The following NWD1 variants were observed in gnomAD, a reference collection of about 807,000 sequenced individuals.
NWD1 encodes NACHT and WD repeat domain containing 1, also known as NACHT domain- and WD repeat-containing protein 1.
A neutral mutation model predicts 135.1 loss-of-function variants in NWD1; 129 were observed. The observed-to-expected ratio is 0.96, with a 90% CI of 0.83 to 1.11. The LOEUF is 1.11. NWD1 is among the 50% of genes least tolerant of loss of function. NWD1 has a pLI of 0.00. For synonymous variants in NWD1, 773 were observed against 786.0 expected (o/e 0.98, Z 0.28); for missense variants, 1,740 against 1,851.3 (o/e 0.94, Z 1.10).
At chr19:16,779,526 C>A in intron 12 of NWD1, 61 bp downstream of exon 12, 1 of 1,525,468 alleles carries the variant, frequency 6.6e-7, no homozygotes, top group Non-Finnish European at 9.0e-7. Context: ...GTTCTCAGAG[C>A]CCCTTCCCCA....
At position 16,763,882 on chromosome 19, in the gene NWD1, A is replaced by G. The variant is rs1969113726; in HGVS notation, c.2188A>G (p.Lys730Glu). 1 of 1,613,918 alleles carries G rather than the reference A, an allele frequency of 6.2e-7. No homozygotes were observed. The highest frequency in any genetic ancestry group is 1.3e-5 in the African/African-American group (1 of 74,920). Residue 730 changes from lysine to glutamate, a missense_variant, in exon 9 of 19, where the codon AAG (lysine) becomes GAG (glutamate). By Grantham distance (56) the Lys-to-Glu change is moderately conservative. Transcript: ENST00000524140. ...TACGGTTGCAAACCTGCGGAAGCTGAAGGAGTTGCCCTATCACCTGCTTCA... is the reference window on the plus strand; with the variant it reads ...TACGGTTGCAAACCTGCGGAAGCTGGAGGAGTTGCCCTATCACCTGCTTCA... ...SHTVANLRKL[K>E]ELPYHLLHSG...
At chr19:16,728,502 G>C (rs1967417513) in intron 2 of NWD1, among the ~76,000 whole-genome samples, 1 of 151,808 alleles carries the variant, frequency 6.6e-6, no homozygotes, top group African/African-American at 2.4e-5. Flanking sequence ...CCAGGCTGGT[G>C]TCAAACTCCT....
intron 5 of NWD1, chr19:16,745,280 C>G (rs976236124): frequency 9.2e-6 from 3 of 326,030 alleles, no homozygotes; most frequent in African/African-American, 6.6e-5. Context: ...CCCACCAGGT[C>G]CCTCCCACAG....
rs188780792 is a variant in NWD1 at position 16,797,859 on chromosome 19, C to T, written c.3432C>T (p.Ile1144=). 65 of 1,614,020 alleles carry T rather than the reference C, an allele frequency of 4.0e-5. No individual in the cohort carries two copies. In the African/African-American group the frequency reaches 8.5e-4, roughly 21 times the overall value. ...TTGGTACTGAGAACAACCTGATCATCACGGGGTCCCTTGATGCGCTCATTC... is the reference window on the plus strand; with the variant it reads ...TTGGTACTGAGAACAACCTGATCATTACGGGGTCCCTTGATGCGCTCATTC... ...AVFGTENNLI[I]TGSLDALIQV... Residue 1144 remains isoleucine, a synonymous_variant, in exon 16 of 19, where the codon ATC becomes ATT. Transcript: ENST00000524140.
Position 16,759,345 on chromosome 19 carries a change from G to A in NWD1, c.1890G>A (p.Leu630=). 1 of 1,613,820 alleles carries A rather than the reference G, an allele frequency of 6.2e-7. No homozygotes were observed. ...AGCTGCTGCGCTTCCCGCCCCTGCT[G>A]TGGGTGCGGCTTCGTCGGGATCTGG... ...SKELLRFPPL[L]WVRLRRDLGY... is the part of the protein sequence containing the mutation. Residue 630 remains leucine, a synonymous_variant, in exon 7 of 19, where the codon CTG becomes CTA. Coordinates refer to ENST00000524140, the MANE Select transcript of NWD1 (RefSeq NM_001007525.5).
At chr19:16,776,370 C>A (rs979407922) in intron 11 of NWD1, among the ~76,000 whole-genome samples, 1 of 151,868 alleles carries the variant, frequency 6.6e-6, no homozygotes, top group East Asian at 1.9e-4. Flanking sequence ...GAGTTCAAGA[C>A]CAGCCTGGCC....
chr19:16,774,510 A>G (rs1969532001), intron 11 of NWD1, among the ~76,000 whole-genome samples: 1 of 147,240 alleles, frequency 6.8e-6, no homozygotes, highest in African/African-American at 2.5e-5. Context: ...CATCTACCCT[A>G]CCACTGTTTC....
chr19:16,794,203 T>A (rs1970343586), intron 14 of NWD1, among the ~76,000 whole-genome samples: 1 of 151,822 alleles, frequency 6.6e-6, no homozygotes, highest in Non-Finnish European at 1.5e-5. Flanking sequence ...CCATCTCTAC[T>A]AAAAATACAA....
intron 3 of NWD1, among the ~76,000 whole-genome samples, chr19:16,733,326 G>GC (rs372072893): frequency 2.7e-4 from 41 of 152,018 alleles, no homozygotes; most frequent in African/African-American, 9.4e-4. Context: ...TTCGAGACCA[G>GC]CCTGGCCAAC....
chr19:16,751,535 T>C (rs1165545961), intron 6 of NWD1, among the ~76,000 whole-genome samples: 1 of 147,878 alleles, frequency 6.8e-6, no homozygotes, highest in Non-Finnish European at 1.5e-5. Context: ...GCATGGTGGC[T>C]TACGCTTTTA....
chr19:16,799,256 C>T (rs140856164), intron 16 of NWD1, among the ~76,000 whole-genome samples: 151 of 152,184 alleles, frequency 9.9e-4, no homozygotes, highest in African/African-American at 3.1e-3. Flanking sequence ...AGTGCAGTGG[C>T]GCAATCTCAG....
At chr19:16,781,247 G>A (rs1228693032) in intron 12 of NWD1, among the ~76,000 whole-genome samples, 1 of 152,116 alleles carries the variant, frequency 6.6e-6, no homozygotes, top group Non-Finnish European at 1.5e-5. Context: ...TCCTCCCTTT[G>A]GGAGAGATGA....
chr19:16,807,985 C>G lies in NWD1; in HGVS notation c.4136C>G (p.Ser1379Cys). ...GDLFLYECAT[S>C]KAFPLETHRS... ...CTCTTTCTTTACGAGTGTGCAACTT[C>G]CAAAGCGTTTCCCTTGGAGACCCAC... The change falls in exon 18 of 19, where the codon TCC (serine) becomes TGC (cysteine). Residue 1379 changes from serine (S) to cysteine (C), a missense_variant. By Grantham distance (112) the Ser-to-Cys change is moderately radical (BLOSUM62 -1). Transcript: ENST00000524140. 1 of 1,614,136 alleles carries G rather than the reference C, an allele frequency of 6.2e-7. No individual in the cohort carries two copies.
chr19:16,809,177 G>A (rs922472981), intron 18 of NWD1, among the ~76,000 whole-genome samples: 13 of 151,298 alleles, frequency 8.6e-5, no homozygotes, highest in Non-Finnish European at 1.8e-4. Flanking sequence ...GCAGCCTCCC[G>A]GGTTCAAGCA....
At chr19:16,791,701 A>C in intron 14 of NWD1, 79 bp downstream of exon 14, 4 of 1,387,860 alleles carry the variant, frequency 2.9e-6, no homozygotes, top group Non-Finnish European at 4.0e-6. Context: ...TGGGAAAAAT[A>C]ATCTTGCCTT....
intron 18 of NWD1, 83 bp from the exon 19 acceptor site, chr19:16,814,945 C>A (rs1233403381): frequency 1.6e-6 from 2 of 1,246,662 alleles, no homozygotes; most frequent in Non-Finnish European, 2.3e-6. Flanking sequence ...GAATTTTATT[C>A]CATGCAGCCA....
At chr19:16,740,885 G>A (rs1968051681) in intron 4 of NWD1, among the ~76,000 whole-genome samples, 1 of 152,050 alleles carries the variant, frequency 6.6e-6, no homozygotes, top group African/African-American at 2.4e-5. Flanking sequence ...GGGGCCGGGT[G>A]CAGTGGCTTA....
At chr19:16,762,434 T>C (rs2122888196) in intron 8 of NWD1, among the ~76,000 whole-genome samples, 1 of 151,452 alleles carries the variant, frequency 6.6e-6, no homozygotes, top group Non-Finnish European at 1.5e-5. Context: ...GTAGCTGGGA[T>C]TACAGGCACC....
chr19:16,752,086 G>A (rs1158857915), intron 6 of NWD1, among the ~76,000 whole-genome samples: 1 of 152,160 alleles, frequency 6.6e-6, no homozygotes, highest in Admixed American at 6.5e-5. Flanking sequence ...CTCTGAGTTT[G>A]TCCTCTGCCA....
Sources: gnomAD v4.1 joint callset for allele counts (sites outside exome capture counted in the v4.1 genomes callset) on GRCh38, gnomAD v4.1.1 for gene constraint, MANE v1.5 for transcripts, NCBI Gene and HGNC (gene_info 2026-07-23, HGNC 2026-07-21) for gene names.